The following TCF4 variants were observed in gnomAD, a reference collection of about 807,000 sequenced individuals.
TCF4 encodes the protein SL3-3 enhancer factor 2.
Under a neutral mutation model 82.1 loss-of-function variants are expected in TCF4, and 3 were observed. The observed-to-expected ratio is 0.04, with a 90% CI of 0.02 to 0.09. The LOEUF is 0.09. Ranked by LOEUF, TCF4 falls within the 10% of genes least tolerant of loss-of-function variation. TCF4 has a pLI of 1.00. For synonymous variants in TCF4, 276 were observed against 309.6 expected, an observed-to-expected ratio of 0.89 and a Z score of 1.14; for missense variants, 518 against 852.7, an observed-to-expected ratio of 0.61 and a Z score of 4.89.
At chr18:55,524,462 G>A (rs2096960438) in intron 3 of TCF4, among the ~76,000 whole-genome samples, 1 of 151,970 alleles carries the variant, frequency 6.6e-6, no homozygotes, top group Non-Finnish European at 1.5e-5. Context: ...AAGGTATCTT[G>A]CTAATCATTT....
intron 3 of TCF4, among the ~76,000 whole-genome samples, chr18:55,527,496 T>A (rs910547392): frequency 4.6e-5 from 7 of 152,330 alleles, no homozygotes; most frequent in Admixed American, 2.6e-4. Flanking sequence ...TTCTAAGGCC[T>A]TGTAACTACC....
At chr18:55,611,445 A>C (rs2097706907) in intron 2 of TCF4, among the ~76,000 whole-genome samples, 1 of 152,178 alleles carries the variant, frequency 6.6e-6, no homozygotes, top group African/African-American at 2.4e-5. Flanking sequence ...TATCACCACA[A>C]GATTCTATCC....
intron 2 of TCF4, among the ~76,000 whole-genome samples, chr18:55,607,935 G>A (rs1014869850): frequency 6.6e-6 from 1 of 152,116 alleles, no homozygotes; most frequent in African/African-American, 2.4e-5. Context: ...TCCCTGCCCA[G>A]CTTTTCATTC....
intron 8 of TCF4, among the ~76,000 whole-genome samples, chr18:55,319,437 G>A (rs1004187589): frequency 6.6e-6 from 1 of 152,144 alleles, no homozygotes; most frequent in Non-Finnish European, 1.5e-5. Flanking sequence ...GGACTTTGCT[G>A]TCTGTTTCAT....
chr18:55,396,829 CAG>C (rs1404657243), intron 6 of TCF4, among the ~76,000 whole-genome samples: 1 of 152,118 alleles, frequency 6.6e-6, no homozygotes, highest in Non-Finnish European at 1.5e-5. Flanking sequence ...ACATTAGAAA[CAG>C]TAATTGTTAT....
chr18:55,579,277 T>A (rs555493550), intron 3 of TCF4, among the ~76,000 whole-genome samples: 15 of 151,906 alleles, frequency 9.9e-5, no homozygotes, highest in African/African-American at 3.4e-4. Context: ...GTAGCTCACA[T>A]ATAAGCTAAT....
chr18:55,247,065 G>C (rs2053486793), intron 15 of TCF4, among the ~76,000 whole-genome samples: 1 of 152,176 alleles, frequency 6.6e-6, no homozygotes, highest in African/African-American at 2.4e-5. Context: ...TGCATGCCCG[G>C]CTTCTGTGAC....
At position 55,234,597 on chromosome 18, in the gene TCF4, G is replaced by C. The variant is rs1431753857; in HGVS notation, c.1437C>G (p.Val479=). 1 of 1,614,124 alleles carries C rather than the reference G, an allele frequency of 6.2e-7. No homozygotes were observed. Among genetic ancestry groups the C allele is most frequent in the East Asian group, 2.2e-5 (1 of 44,878 alleles). The part of the protein sequence containing the change: ...PNQVPVPQLP[V]QSATSPDLNP... ...TCAGGTCAGGGGAAGTCGCAGACTG[G>C]ACAGGAAGCTGTGGAACCGGAACCT... Residue 479 remains valine, a synonymous_variant, in exon 16 of 20, where the codon GTC becomes GTG. Transcript: ENST00000354452.
intron 11 of TCF4, among the ~76,000 whole-genome samples, chr18:55,262,280 T>C (rs1344236458): frequency 1.3e-5 from 2 of 152,180 alleles, no homozygotes; most frequent in East Asian, 3.9e-4. Context: ...AGACATATAT[T>C]ACAGTATACA....
chr18:55,381,971 T>C (rs2091985412), intron 6 of TCF4, among the ~76,000 whole-genome samples: 1 of 152,164 alleles, frequency 6.6e-6, no homozygotes, highest in Non-Finnish European at 1.5e-5. Flanking sequence ...TGACTAGTAC[T>C]GGACTAGGTG....
rs537045791 is a variant in TCF4, at chr18:55,299,725, A to G, written c.550-20069T>C. ...AACAAAAAAAATGTTGCTGGGTAACATTCAAAGTGCCTATAATGTTCTTTT... is the reference window on the plus strand; with the variant it reads ...AACAAAAAAAATGTTGCTGGGTAACGTTCAAAGTGCCTATAATGTTCTTTT... On this transcript the variant is annotated intron_variant, in intron 8 of 19. Transcript: ENST00000354452. Among the ~76,000 whole-genome samples the G allele has an allele frequency of 2.0e-5, 3 of 152,294 alleles. No individual in the cohort carries two copies. In the South Asian group the frequency reaches 6.2e-4, roughly 32 times the overall value.
rs867214369 is a variant in TCF4 at position 55,463,977 on chromosome 18, T to TGTGTGTGA, written c.207+98_207+99insTCACACAC. ...GTGTGTGTGTGTGTGTGTGTGTGTG[T>TGTGTGTGA]GAGAGAGAGAGAGAGAGAGAGAGAG... On this transcript the variant is annotated intron_variant, in intron 4 of 19. Transcript: ENST00000354452. 3.7e-3 allele frequency: 1,127 copies of TGTGTGTGA among 302,132 alleles called. 1 individual carries two copies. In the South Asian group the frequency reaches 0.052, roughly 14 times the overall value. 18.7% of individuals were successfully genotyped at this position (302,132 alleles called of 1,614,324 possible). A position where few individuals can be genotyped will look rare whatever the true frequency, so the allele number is the denominator to read the frequency against.
intron 6 of TCF4, among the ~76,000 whole-genome samples, chr18:55,395,343 T>G (rs538791944): frequency 2.0e-5 from 3 of 152,218 alleles, no homozygotes; most frequent in Non-Finnish European, 4.4e-5. Flanking sequence ...GATGAAGAAC[T>G]GTAGTCCTAA....
chr18:55,518,157 A>G (rs1236046217), intron 3 of TCF4, among the ~76,000 whole-genome samples: 14 of 152,088 alleles, frequency 9.2e-5, no homozygotes, highest in African/African-American at 3.4e-4. Flanking sequence ...AAAATCTCTA[A>G]TGACTTCTAG....
chr18:55,633,994 C>A lies in TCF4; in HGVS notation c.195+1709G>T, dbSNP rs184713858. 1.2e-3 allele frequency among the ~76,000 whole-genome samples: 188 copies of A among 152,208 alleles called. 1 individual carries two copies. The highest frequency in any genetic ancestry group is 1.8e-3 in the Non-Finnish European group (125 of 68,020). ...ACATAATACTATAATTTAGGCTGGGCGCAGTGGCTCACACCTGTAATCCCA... is the reference window on the plus strand; with the variant it reads ...ACATAATACTATAATTTAGGCTGGGAGCAGTGGCTCACACCTGTAATCCCA... On this transcript the variant is annotated intron_variant, in intron 1 of 20. Transcript: ENST00000398339. This position sits in a 1 kb window ranked among gnomAD's most constrained non-coding sequence, Gnocchi z 4.0.
intron 2 of TCF4, chr18:55,585,765 G>C (rs1057466158): frequency 9.1e-7 from 1 of 1,100,130 alleles, no homozygotes; most frequent in Non-Finnish European, 1.1e-6. Flanking sequence ...ATCTCGTATA[G>C]GATTTGCCTG....
chr18:55,616,457 T>C lies in TCF4; in HGVS notation c.286+14841A>G, dbSNP rs79050226. ...TTGAATATCAATTTGAGATCCTGATTTCAGTTCTTTTGGATATATACCAGA... is the reference window on the plus strand; with the variant it reads ...TTGAATATCAATTTGAGATCCTGATCTCAGTTCTTTTGGATATATACCAGA... On this transcript the variant is annotated intron_variant, in intron 2 of 20. Coordinates refer to the TCF4 transcript ENST00000398339. 6.8e-3 allele frequency among the ~76,000 whole-genome samples: 1,035 copies of C among 152,192 alleles called. 15 individuals carry two copies. The highest frequency in any genetic ancestry group is 0.024 in the African/African-American group (999 of 41,548).
At chr18:55,273,192 A>G (rs2060745982) in intron 10 of TCF4, among the ~76,000 whole-genome samples, 1 of 152,186 alleles carries the variant, frequency 6.6e-6, no homozygotes, top group Non-Finnish European at 1.5e-5. Context: ...ACTAAACATC[A>G]GTAACTTGAC....
chr18:55,363,890 T>C (rs2086160370), intron 6 of TCF4, among the ~76,000 whole-genome samples: 1 of 152,180 alleles, frequency 6.6e-6, no homozygotes, highest in African/African-American at 2.4e-5. Context: ...TTAACAAATA[T>C]TTAATGAGAA....
Sources: gnomAD v4.1 joint callset for allele counts (sites outside exome capture counted in the v4.1 genomes callset) on GRCh38, gnomAD v4.1.1 for gene constraint, Gnocchi (gnomAD v3.1) non-coding constraint, MANE v1.5 for transcripts, NCBI Gene and HGNC (gene_info 2026-07-23, HGNC 2026-07-21) for gene names.